The following PALLD variants were observed in gnomAD, a reference collection of about 807,000 sequenced individuals.
The protein encoded by PALLD is palladin.
PALLD carries 61 observed loss-of-function variants against 123.5 expected under a neutral mutation model. The ratio of observed to expected loss-of-function variants is 0.49; its 90% CI spans 0.40 to 0.61. The LOEUF is 0.61. Among genes scored for constraint, PALLD ranks in the 20% least tolerant of loss-of-function variants. The probability of loss-of-function intolerance (pLI) is 0.00; values close to 1 mark genes in which losing one functional copy is unlikely to be tolerated. For synonymous variants in PALLD, 465 were observed against 496.4 expected (o/e 0.94, Z 0.84); for missense variants, 1,273 against 1,377.0 (o/e 0.92, Z 1.20).
At chr4:168,631,562 A>T in intron 2 of PALLD, 2 of 973,772 alleles carry the variant, frequency 2.1e-6, no homozygotes, top group Non-Finnish European at 2.4e-6. Context: ...CCTCCCCAGC[A>T]GCCCGGCACT....
rs553907482 is a variant in PALLD at position 168,571,197 on chromosome 4, T to A, written c.908+58785T>A. 1.2e-4 allele frequency among the ~76,000 whole-genome samples: 19 copies of A among 152,300 alleles called. 1 individual carries two copies. In the South Asian group the frequency reaches 3.3e-3, roughly 27 times the overall value. ...CTTTCTCCCAGAAGCTTTCCAGAGT[T>A]TCTTCCCTCTTTTCCTTCTGCTTCA... On this transcript the variant is annotated intron_variant, in intron 2 of 21. Transcript: ENST00000505667.
chr4:168,549,342 C>T (rs531355582), intron 2 of PALLD, among the ~76,000 whole-genome samples: 151 of 151,922 alleles, frequency 9.9e-4, no homozygotes, highest in African/African-American at 3.4e-3. Flanking sequence ...ATGTTCATCT[C>T]GGTGGGTGTT....
Position 168,805,476 on chromosome 4 carries a change from C to T in PALLD, c.1965-85446C>T, listed in dbSNP as rs114779782. ...GGCCCAAAGCAGCCTTTCCTTTTCT[C>T]GGTCCAATCCGATGCTTAAACTTGC... On this transcript the variant is annotated intron_variant, in intron 10 of 21. Coordinates refer to ENST00000505667, the MANE Select transcript of PALLD (RefSeq NM_001166108.2). Among the ~76,000 whole-genome samples the T allele has an allele frequency of 5.0e-3, 759 of 152,270 alleles. 4 individuals are homozygous for T. Among genetic ancestry groups the T allele is most frequent in the African/African-American group, 0.017 (690 of 41,564 alleles).
At chr4:168,692,961 A>G (rs1466116390) in intron 8 of PALLD, among the ~76,000 whole-genome samples, 3 of 152,236 alleles carry the variant, frequency 2.0e-5, no homozygotes, top group Admixed American at 6.5e-5. Context: ...CAGTATGTGT[A>G]TATTTGAAAA....
At chr4:168,611,396 T>C (rs895996931) in intron 2 of PALLD, among the ~76,000 whole-genome samples, 3 of 152,230 alleles carry the variant, frequency 2.0e-5, no homozygotes, top group Non-Finnish European at 2.9e-5. Flanking sequence ...CTGTGAGCTA[T>C]GTTCCATCAC....
intron 2 of PALLD, among the ~76,000 whole-genome samples, chr4:168,634,530 T>C (rs1776145729): frequency 6.6e-6 from 1 of 152,248 alleles, no homozygotes. Context: ...TGGGCTATGA[T>C]GTCATGTGCT....
At chr4:168,611,731 T>C (rs981582684) in intron 2 of PALLD, among the ~76,000 whole-genome samples, 6 of 152,222 alleles carry the variant, frequency 3.9e-5, no homozygotes, top group Non-Finnish European at 7.3e-5. Context: ...TCTGGGCTGA[T>C]ACTGCTCACG....
chr4:168,915,757 A>T (rs560577048), intron 16 of PALLD, 138 bp from the exon 17 acceptor site: 1 of 659,048 alleles, frequency 1.5e-6, no homozygotes, highest in African/African-American at 1.8e-5. Flanking sequence ...TGATTTTTTA[A>T]TGTGTAAATC....
chr4:168,606,433 G>C (rs1773175476), intron 2 of PALLD, among the ~76,000 whole-genome samples: 1 of 152,030 alleles, frequency 6.6e-6, no homozygotes, highest in African/African-American at 2.4e-5. Context: ...CCAGCACTTT[G>C]GGAGGCCGAG....
chr4:168,883,573 T>C (rs767852848), intron 10 of PALLD, among the ~76,000 whole-genome samples: 2 of 152,178 alleles, frequency 1.3e-5, no homozygotes, highest in African/African-American at 2.4e-5. Context: ...CAATAGCATA[T>C]CAAGGGAAGG....
At chr4:168,832,862 C>T (rs57791806) in intron 10 of PALLD, 17,787 of 152,270 alleles carry the variant, frequency 0.12, 1,113 homozygotes, top group Non-Finnish European at 0.13. Flanking sequence ...GCGGCTCAGT[C>T]CCCTCAGTCC....
At chr4:168,674,902 A>G (rs904201212) in intron 3 of PALLD, among the ~76,000 whole-genome samples, 2 of 152,190 alleles carry the variant, frequency 1.3e-5, no homozygotes, top group African/African-American at 4.8e-5. Context: ...GCTGAAGAAG[A>G]TAGTGCAAGA....
At chr4:168,797,846 C>T (rs115806614) in intron 10 of PALLD, among the ~76,000 whole-genome samples, 1,540 of 150,360 alleles carry the variant, frequency 0.01, 29 homozygotes, top group African/African-American at 0.035. Flanking sequence ...CACCACCATA[C>T]AGCTGCTCGC....
intron 2 of PALLD, among the ~76,000 whole-genome samples, chr4:168,608,632 A>G (rs1386357203): frequency 1.3e-5 from 2 of 152,132 alleles, no homozygotes; most frequent in African/African-American, 4.8e-5. Flanking sequence ...TTTTCTCTTA[A>G]TCCATCTCTG....
At chr4:168,689,982 G>A (rs1782467776) in intron 6 of PALLD, among the ~76,000 whole-genome samples, 2 of 152,074 alleles carry the variant, frequency 1.3e-5, no homozygotes, top group South Asian at 4.2e-4. Flanking sequence ...GTGCGGTGAG[G>A]GACAACAAAG....
At chr4:168,859,193 C>T (rs1749073320) in intron 10 of PALLD, among the ~76,000 whole-genome samples, 1 of 152,206 alleles carries the variant, frequency 6.6e-6, no homozygotes, top group Non-Finnish European at 1.5e-5. Context: ...CTCCACCCCA[C>T]AGCCTGCTAT....
At chr4:168,723,401 G>T (rs555683563) in intron 10 of PALLD, among the ~76,000 whole-genome samples, 1 of 152,178 alleles carries the variant, frequency 6.6e-6, no homozygotes, top group Admixed American at 6.5e-5. Context: ...TACTGAGGAG[G>T]CTGGAGACAT....
chr4:168,840,554 C>T (rs7657217), intron 10 of PALLD, among the ~76,000 whole-genome samples: 28,088 of 152,096 alleles, frequency 0.18, 2,782 homozygotes, highest in South Asian at 0.32. Flanking sequence ...CTTAGTGAAA[C>T]GACCAGAGGT....
intron 10 of PALLD, among the ~76,000 whole-genome samples, chr4:168,790,799 A>T (rs1322869697): frequency 1.3e-5 from 2 of 152,168 alleles, no homozygotes; most frequent in African/African-American, 4.8e-5. Flanking sequence ...TTATTATCAG[A>T]TAAACTTTTG....
Sources: gnomAD v4.1 joint callset for allele counts (sites outside exome capture counted in the v4.1 genomes callset) on GRCh38, gnomAD v4.1.1 for gene constraint, MANE v1.5 for transcripts, NCBI Gene and HGNC (gene_info 2026-07-23, HGNC 2026-07-21) for gene names.